The following OR2L13 variants were observed in gnomAD, a reference collection of about 807,000 sequenced individuals.
OR2L13 encodes olfactory receptor 2L13.
In OR2L13, 14 loss-of-function variants were observed where a neutral mutation model predicts 15.3. The ratio of observed to expected loss-of-function variants is 0.91; its 90% confidence interval spans 0.60 to 1.43. The LOEUF (loss-of-function observed/expected upper bound fraction) is 1.43, where lower values mean the gene tolerates loss of function less well. OR2L13 is among the 40% of genes most tolerant of loss of function. The pLI is 0.00. For synonymous variants in OR2L13, 152 were observed against 142.9 expected, an observed-to-expected ratio of 1.06 and a Z score of -0.45; for missense variants, 367 against 387.9, an observed-to-expected ratio of 0.95 and a Z score of 0.45.
chr1:247,999,615 A>G, the OR2L13 span, among the ~76,000 whole-genome samples: 1 of 152,140 alleles, frequency 6.6e-6, no homozygotes, highest in Non-Finnish European at 1.5e-5. Context: ...TCTATTGTGG[A>G]GGAACTTGAA....
chr1:248,024,768 C>T, the OR2L13 span, among the ~76,000 whole-genome samples: 6 of 152,132 alleles, frequency 3.9e-5, no homozygotes, highest in African/African-American at 1.2e-4. Flanking sequence ...TGATCTATAT[C>T]TCTGTTTTGA....
chr1:248,006,148 C>T, the OR2L13 span, among the ~76,000 whole-genome samples: 2 of 152,034 alleles, frequency 1.3e-5, no homozygotes, highest in Non-Finnish European at 2.9e-5. Context: ...CCAACTGCCA[C>T]CTGTGCCACT....
At chr1:247,964,555 G>GAT in the OR2L13 span, among the ~76,000 whole-genome samples, 2 of 151,868 alleles carry the variant, frequency 1.3e-5, no homozygotes, top group Non-Finnish European at 2.9e-5. Flanking sequence ...TCACAATTCT[G>GAT]GTATATATAG....
the OR2L13 span, chr1:248,029,139 G>A: frequency 6.6e-6 from 1 of 152,278 alleles, no homozygotes; most frequent in South Asian, 2.1e-4. Flanking sequence ...AAGTGTAGTG[G>A]TGTTTACAAC....
the OR2L13 span, among the ~76,000 whole-genome samples, chr1:248,067,744 A>C: frequency 1.3e-5 from 2 of 152,200 alleles, no homozygotes; most frequent in Non-Finnish European, 2.9e-5. Context: ...TTCCTAGTCG[A>C]AGAAAGGGGT....
At chr1:248,025,958 G>A in the OR2L13 span, among the ~76,000 whole-genome samples, 10 of 143,712 alleles carry the variant, frequency 7.0e-5, no homozygotes, top group African/African-American at 2.5e-4. Flanking sequence ...GTGAGGTGGG[G>A]GGAGGGGGGA....
the OR2L13 span, among the ~76,000 whole-genome samples, chr1:248,005,339 A>T: frequency 6.6e-6 from 1 of 152,028 alleles, no homozygotes; most frequent in South Asian, 2.1e-4. Flanking sequence ...AAAATAAAAA[A>T]ATTAAATCAG....
chr1:248,021,872 C>G, the OR2L13 span: 1 of 1,198,978 alleles, frequency 8.3e-7, no homozygotes, highest in South Asian at 1.4e-5. Flanking sequence ...GGAATGCAAC[C>G]CCTGCAGATA....
At chr1:248,076,433 G>A in the OR2L13 span, among the ~76,000 whole-genome samples, 1 of 152,138 alleles carries the variant, frequency 6.6e-6, no homozygotes, top group Non-Finnish European at 1.5e-5. Context: ...AAATTACATT[G>A]GGCAGTATGG....
At chr1:247,990,225 T>G in the OR2L13 span, 1 of 712,848 alleles carries the variant, frequency 1.4e-6, no homozygotes, top group Non-Finnish European at 2.5e-6. Context: ...GTACTTCACT[T>G]ACCCTTGTGT....
the OR2L13 span, among the ~76,000 whole-genome samples, chr1:248,059,353 T>C: frequency 6.6e-6 from 1 of 152,206 alleles, no homozygotes; most frequent in Non-Finnish European, 1.5e-5. Context: ...TTTGTCAGAA[T>C]TCTAGTTTCC....
At chr1:248,071,476 T>G in the OR2L13 span, among the ~76,000 whole-genome samples, 1 of 152,134 alleles carries the variant, frequency 6.6e-6, no homozygotes. Context: ...GGGACATATC[T>G]CAAAATAATA....
chr1:248,003,780 A>G, the OR2L13 span: 74 of 1,613,742 alleles, frequency 4.6e-5, no homozygotes, highest in South Asian at 1.5e-4. Context: ...TCATGTTCCT[A>G]TGGCCGGGTT....
chr1:248,056,244 C>T, the OR2L13 span, among the ~76,000 whole-genome samples: 1 of 151,934 alleles, frequency 6.6e-6, no homozygotes, highest in African/African-American at 2.4e-5. Context: ...CATATGTATA[C>T]ATGTGCCATG....
chr1:247,960,077 A>G, the OR2L13 span, among the ~76,000 whole-genome samples: 1 of 151,870 alleles, frequency 6.6e-6, no homozygotes, highest in East Asian at 1.9e-4. Flanking sequence ...GGTTTTATCT[A>G]CCTTTGGTCT....
the OR2L13 span, among the ~76,000 whole-genome samples, chr1:247,986,101 C>T: frequency 6.6e-6 from 1 of 152,210 alleles, no homozygotes; most frequent in South Asian, 2.1e-4. Flanking sequence ...TGTGCAGAAG[C>T]TCTTTAGTTT....
the OR2L13 span, among the ~76,000 whole-genome samples, chr1:247,994,377 A>G: frequency 6.6e-6 from 1 of 152,158 alleles, no homozygotes; most frequent in Non-Finnish European, 1.5e-5. Context: ...AGCCGGGGCG[A>G]CAGAGCGAGA....
At chr1:248,017,072 G>A in the OR2L13 span, among the ~76,000 whole-genome samples, 2 of 152,098 alleles carry the variant, frequency 1.3e-5, no homozygotes, top group Non-Finnish European at 2.9e-5. Context: ...TAATCGCTGT[G>A]AAACTATCAT....
At chr1:248,003,558 T>C in the OR2L13 span, 4 of 1,612,678 alleles carry the variant, frequency 2.5e-6, no homozygotes, top group Admixed American at 1.7e-5. Flanking sequence ...TGTGTGCTGA[T>C]GATAACAGGA....
Sources: allele counts gnomAD v4.1 joint callset (sites outside exome capture counted in the v4.1 genomes callset), GRCh38; gene constraint gnomAD v4.1.1; transcripts MANE v1.5; gene names NCBI Gene and HGNC (gene_info 2026-07-23, HGNC 2026-07-21).